The following KCNMA1 variants were observed in gnomAD, a reference collection of about 807,000 sequenced individuals.
KCNMA1 encodes the protein Calcium-activated potassium channel subunit alpha-1.
KCNMA1 carries 29 observed loss-of-function variants against 140.0 expected under a neutral mutation model. That is an observed-to-expected ratio of 0.21 (90% CI 0.15 to 0.28). The LOEUF is 0.28. Ranked by LOEUF, KCNMA1 falls within the 10% of genes least tolerant of loss-of-function variation. KCNMA1 has a pLI of 1.00. For missense variants in KCNMA1, 880 were observed against 1,602.2 expected (o/e 0.55, Z 7.70); for synonymous variants, 612 against 611.9 (o/e 1.00, Z 0.00).
At chr10:76,976,107 G>T (rs1408088716) in intron 19 of KCNMA1, among the ~76,000 whole-genome samples, 1 of 152,180 alleles carries the variant, frequency 6.6e-6, no homozygotes, top group Non-Finnish European at 1.5e-5. Context: ...ATGGGTATCA[G>T]TTTTTAAAAA....
chr10:77,325,572 C>T (rs1454780058), intron 2 of KCNMA1, among the ~76,000 whole-genome samples: 1 of 152,182 alleles, frequency 6.6e-6, no homozygotes, highest in East Asian at 1.9e-4. Context: ...ACCTTCAAGG[C>T]CAGTTACCAA....
At position 77,184,062 on chromosome 10, in the gene KCNMA1, T is replaced by TCACACACACACACA. The variant is rs3068684; in HGVS notation, c.697-544_697-531dup. Among the ~76,000 whole-genome samples, 271 of 148,006 alleles carry TCACACACACACACA rather than the reference T, an allele frequency of 1.8e-3. 1 individual carries two copies. Among genetic ancestry groups the TCACACACACACACA allele is most frequent in the South Asian group, 7.1e-3 (33 of 4,620 alleles). ...ATAAATAAAGCACATATGTACGCAT[T>TCACACACACACACA]CACACACACACACACACACACACAC... On this transcript the variant is annotated intron_variant, in intron 4 of 27. Transcript: ENST00000286628.
chr10:77,012,164 C>G (rs2090941167), intron 17 of KCNMA1, 121 bp from the exon 18 acceptor site: 1 of 1,568,024 alleles, frequency 6.4e-7, no homozygotes, highest in Non-Finnish European at 8.6e-7. Flanking sequence ...TTCCTTTAAT[C>G]TTTTGAAAGG....
intron 2 of KCNMA1, among the ~76,000 whole-genome samples, chr10:77,331,677 T>C (rs1165164179): frequency 1.3e-5 from 2 of 148,628 alleles, no homozygotes; most frequent in Non-Finnish European, 3.0e-5. Flanking sequence ...CAGCTGGGTA[T>C]GGTGGTGCAT....
chr10:77,334,624 G>A (rs1298352229), intron 2 of KCNMA1, among the ~76,000 whole-genome samples: 1 of 152,110 alleles, frequency 6.6e-6, no homozygotes, highest in African/African-American at 2.4e-5. Flanking sequence ...AAAATGAATG[G>A]GATGCTGAGG....
intron 2 of KCNMA1, among the ~76,000 whole-genome samples, chr10:77,307,072 A>G (rs981591162): frequency 5.3e-5 from 8 of 152,310 alleles, no homozygotes; most frequent in African/African-American, 1.4e-4. Flanking sequence ...AGAACACATG[A>G]GGTAGAATCC....
chr10:77,340,730 C>T (rs1397109537), intron 2 of KCNMA1, among the ~76,000 whole-genome samples: 1 of 151,168 alleles, frequency 6.6e-6, no homozygotes, highest in Non-Finnish European at 1.5e-5. Flanking sequence ...GGGGAGGGGG[C>T]AGGGATAGCA....
intron 2 of KCNMA1, among the ~76,000 whole-genome samples, chr10:77,251,951 C>T (rs1399206403): frequency 6.6e-6 from 1 of 152,156 alleles, no homozygotes; most frequent in Non-Finnish European, 1.5e-5. Context: ...TGTGGACATA[C>T]ATAAAGATAT....
At chr10:77,377,267 G>A (rs923613106) in intron 2 of KCNMA1, among the ~76,000 whole-genome samples, 11 of 152,186 alleles carry the variant, frequency 7.2e-5, no homozygotes, top group African/African-American at 2.7e-4. Flanking sequence ...CAGGAGAACA[G>A]CATTTCCTAC....
chr10:77,569,633 G>C (rs559824319), intron 1 of KCNMA1, among the ~76,000 whole-genome samples: 1,974 of 151,710 alleles, frequency 0.013, 46 homozygotes, highest in African/African-American at 0.045. Flanking sequence ...CATAAAAACT[G>C]TAGAAGAAAA....
At chr10:77,600,697 A>G (rs2082336512) in intron 1 of KCNMA1, among the ~76,000 whole-genome samples, 1 of 152,090 alleles carries the variant, frequency 6.6e-6, no homozygotes, top group African/African-American at 2.4e-5. Flanking sequence ...CGGTGAGCTG[A>G]GGTCACGCCA....
intron 5 of KCNMA1, among the ~76,000 whole-genome samples, chr10:77,158,337 A>G (rs2098513116): frequency 6.6e-6 from 1 of 152,142 alleles, no homozygotes; most frequent in Non-Finnish European, 1.5e-5. Context: ...TGAAGGCAAG[A>G]GCTCATCTCC....
chr10:77,631,435 C>G (rs952663433), intron 1 of KCNMA1, among the ~76,000 whole-genome samples: 8 of 152,330 alleles, frequency 5.3e-5, no homozygotes, highest in African/African-American at 1.9e-4. Context: ...CATCACAGCA[C>G]AAACAGCCCT....
chr10:76,894,041 A>G (rs969630605), intron 25 of KCNMA1, among the ~76,000 whole-genome samples: 2 of 152,234 alleles, frequency 1.3e-5, no homozygotes, highest in Non-Finnish European at 2.9e-5. Flanking sequence ...TTATAAAAGA[A>G]AGACGAAGTT....
chr10:76,877,959 G>T, intron 29 of KCNMA1: 1 of 1,499,918 alleles, frequency 6.7e-7, no homozygotes, highest in Non-Finnish European at 9.2e-7. Flanking sequence ...CTAGGGTAAA[G>T]CCTTTGGAAA....
intron 2 of KCNMA1, among the ~76,000 whole-genome samples, chr10:77,252,556 T>TGTGTGTGTGC (rs1341882275): frequency 1.3e-5 from 2 of 149,200 alleles, no homozygotes; most frequent in East Asian, 2.0e-4. Flanking sequence ...TGTGTGTGTG[T>TGTGTGTGTGC]GCGGGCACGT....
intron 9 of KCNMA1, among the ~76,000 whole-genome samples, chr10:77,095,144 C>T (rs185511174): frequency 2.7e-4 from 41 of 152,314 alleles, no homozygotes; most frequent in African/African-American, 7.9e-4. Flanking sequence ...AAATCTCTCC[C>T]CATCTGTGGA....
At chr10:77,077,757 T>C (rs2096442781) in intron 13 of KCNMA1, 1 of 152,254 alleles carries the variant, frequency 6.6e-6, no homozygotes, top group Non-Finnish European at 1.5e-5. Context: ...AGTCACAGCC[T>C]TGCTAATAAA....
chr10:77,000,571 T>C (rs547050139), intron 19 of KCNMA1, among the ~76,000 whole-genome samples: 1 of 152,246 alleles, frequency 6.6e-6, no homozygotes, highest in Admixed American at 6.5e-5. Flanking sequence ...CAGAGGCCTG[T>C]GCTATGGACT....
Sources: allele counts gnomAD v4.1 joint callset (sites outside exome capture counted in the v4.1 genomes callset), GRCh38; gene constraint gnomAD v4.1.1; transcripts MANE v1.5; gene names NCBI Gene and HGNC (gene_info 2026-07-23, HGNC 2026-07-21).